Variants in PTTG1IP observed in about 807,000 individuals in gnomAD.
PTTG1IP encodes the protein PTTG1 interacting protein, also known as pituitary tumor-transforming gene 1 protein-interacting protein.
In PTTG1IP, 16 loss-of-function variants were observed where a neutral mutation model predicts 24.4. The observed-to-expected ratio is 0.66, with a 90% CI of 0.44 to 1.00. PTTG1IP has a LOEUF of 1.00. Among genes scored for constraint, PTTG1IP ranks in the 50% least tolerant of loss-of-function variants. The pLI is 0.00. For missense variants in PTTG1IP, 241 were observed against 245.8 expected, an observed-to-expected ratio of 0.98 and a Z score of 0.13; for synonymous variants, 89 against 96.8, an observed-to-expected ratio of 0.92 and a Z score of 0.47.
chr21:44,862,175 G>GT (rs1332905239), intron 2 of PTTG1IP, among the ~76,000 whole-genome samples: 1 of 152,230 alleles, frequency 6.6e-6, no homozygotes, highest in Non-Finnish European at 1.5e-5. Context: ...GGCACTGAGC[G>GT]TGACAGGGGA....
chr21:44,869,019 C>T (rs932856708), intron 1 of PTTG1IP, among the ~76,000 whole-genome samples: 1 of 152,222 alleles, frequency 6.6e-6, no homozygotes, highest in Non-Finnish European at 1.5e-5. Context: ...ACGGAGGATA[C>T]TGAGAGGACA....
At chr21:44,862,178 A>G (rs2083497535) in intron 2 of PTTG1IP, among the ~76,000 whole-genome samples, 2 of 152,238 alleles carry the variant, frequency 1.3e-5, no homozygotes, top group South Asian at 4.1e-4. Flanking sequence ...ACTGAGCGTG[A>G]CAGGGGACAG....
intron 1 of PTTG1IP, chr21:44,866,042 C>G (rs1034072098): frequency 4.6e-5 from 8 of 174,168 alleles, no homozygotes; most frequent in South Asian, 1.2e-4. Context: ...TCCAACCACA[C>G]AGAACACCCT....
chr21:44,873,093 T>G (rs2083603395), intron 1 of PTTG1IP: 1 of 152,602 alleles, frequency 6.6e-6, no homozygotes, highest in Non-Finnish European at 1.5e-5. Flanking sequence ...CGACCAGCTG[T>G]GCGACCTCGA....
chr21:44,861,726 A>G, intron 2 of PTTG1IP: 1 of 714,652 alleles, frequency 1.4e-6, no homozygotes, highest in South Asian at 1.5e-5. Context: ...CCTCCTCCTC[A>G]CCTCCTGTGA....
intron 1 of PTTG1IP, 37 bp from the exon 2 acceptor site, chr21:44,865,484 G>T: frequency 3.1e-6 from 5 of 1,607,192 alleles, no homozygotes; most frequent in Non-Finnish European, 3.4e-6. Context: ...CAGTCACTGA[G>T]AATCAGGCAG....
rs970891911 is a variant in PTTG1IP at position 44,855,260 on chromosome 21, A to T, written c.450-4T>A. ...TCTTGTCTTCATCTCTGCTCTCCTA[A>T]AACACAGAGGAACATTATGAGCACC... On this transcript the variant is annotated splice_region_variant and splice_polypyrimidine_tract_variant and intron_variant, in intron 4 of 5. Coordinates refer to ENST00000330938, the MANE Select transcript of PTTG1IP (RefSeq NM_004339.4). 6.2e-7 allele frequency: 1 copy of T among 1,610,384 alleles called. No homozygotes were observed. Among genetic ancestry groups the T allele is most frequent in the South Asian group, 1.1e-5 (1 of 90,988 alleles).
chr21:44,854,880 G>A (rs1163475308), intron 5 of PTTG1IP, among the ~76,000 whole-genome samples: 3 of 152,286 alleles, frequency 2.0e-5, no homozygotes, highest in African/African-American at 4.8e-5. Flanking sequence ...ACAGCACCTC[G>A]GCTACGCAGG....
intron 3 of PTTG1IP, among the ~76,000 whole-genome samples, chr21:44,860,873 G>A (rs776842153): frequency 2.6e-5 from 4 of 151,880 alleles, no homozygotes; most frequent in Non-Finnish European, 1.5e-5. Flanking sequence ...GCACGATCTC[G>A]GCTCACTGCA....
chr21:44,852,528 C>T (rs1236833167), intron 5 of PTTG1IP, among the ~76,000 whole-genome samples: 1 of 152,102 alleles, frequency 6.6e-6, no homozygotes, highest in Non-Finnish European at 1.5e-5. Flanking sequence ...TTATCTGCAG[C>T]GATTACAACA....
At position 44,850,157 on chromosome 21, in the gene PTTG1IP, C is replaced by T. The variant is rs1453745280; in HGVS notation, c.*1424G>A. 1 of 152,216 alleles carries T rather than the reference C, an allele frequency of 6.6e-6. No homozygotes were observed. The highest frequency in any genetic ancestry group is 1.5e-5 in the Non-Finnish European group (1 of 68,042). 9.4% of individuals were successfully genotyped at this position (152,216 alleles called of 1,614,324 possible). A position where few individuals can be genotyped will look rare whatever the true frequency, so the allele number is the denominator to read the frequency against. On this transcript the variant is annotated 3_prime_UTR_variant, in exon 6 of 6. Transcript: ENST00000330938. ...ATCTGCCTGTGAACTTTAGTTCACG[C>T]TGAAGACAGTCTTCTCAGTTTTCAT...
At position 44,850,807 on chromosome 21, in the gene PTTG1IP, G is replaced by A. The variant is rs1444076229; in HGVS notation, c.*774C>T. 1 of 152,872 alleles carries A rather than the reference G, an allele frequency of 6.5e-6. No individual in the cohort carries two copies. Among genetic ancestry groups the A allele is most frequent in the Admixed American group, 6.5e-5 (1 of 15,384 alleles). 9.5% of individuals were successfully genotyped at this position (152,872 alleles called of 1,614,324 possible). The stretch of plus-strand genomic sequence containing the variant: ...GCAGTCAACTGGTGCTGCTGAGGCA[G>A]GCCAAACACCACATTTATAATTCAA... On this transcript the variant is annotated 3_prime_UTR_variant, in exon 6 of 6. Coordinates refer to ENST00000330938, the MANE Select transcript of PTTG1IP (RefSeq NM_004339.4).
At chr21:44,852,819 T>C (rs2146451333) in intron 5 of PTTG1IP, among the ~76,000 whole-genome samples, 1 of 152,300 alleles carries the variant, frequency 6.6e-6, no homozygotes, top group African/African-American at 2.4e-5. Context: ...CGTGCTGGTA[T>C]TTTATATAAC....
At chr21:44,865,759 AG>A in intron 1 of PTTG1IP, 1 of 482,164 alleles carries the variant, frequency 2.1e-6, no homozygotes, top group Admixed American at 3.4e-5. Flanking sequence ...TCTCTGTGAG[AG>A]GAAGTGTGCC....
intron 1 of PTTG1IP, chr21:44,865,748 C>T (rs1303967523): frequency 3.8e-6 from 2 of 520,648 alleles, no homozygotes; most frequent in African/African-American, 3.8e-5. Flanking sequence ...TGTTTCAGAT[C>T]TCTCTGTGAG....
chr21:44,864,831 C>T (rs553895498), intron 2 of PTTG1IP, among the ~76,000 whole-genome samples: 2 of 152,244 alleles, frequency 1.3e-5, no homozygotes, highest in East Asian at 1.9e-4. Context: ...CACCTCATGC[C>T]GTGGAGGCTT....
chr21:44,865,302 A>G, intron 2 of PTTG1IP, 93 bp downstream of exon 2: 5 of 1,309,842 alleles, frequency 3.8e-6, no homozygotes, highest in Non-Finnish European at 4.4e-6. Flanking sequence ...AGAGCCCTCC[A>G]CACATCCCAG....
intron 3 of PTTG1IP, among the ~76,000 whole-genome samples, chr21:44,860,498 T>C (rs2083482471): frequency 6.6e-6 from 1 of 152,220 alleles, no homozygotes; most frequent in African/African-American, 2.4e-5. Flanking sequence ...GCAGGGATTC[T>C]TAAGCTGGGA....
In PTTG1IP at chr21:44,853,185, T is replaced by C. The variant is rs73374515; in HGVS notation, c.497-1558A>G. Among the ~76,000 whole-genome samples, 565 of 152,298 alleles carry C rather than the reference T, an allele frequency of 3.7e-3. 7 individuals are homozygous for C. The highest frequency in any genetic ancestry group is 0.013 in the African/African-American group (523 of 41,554). ...GTGCGTGTGTGCGCGTGTGCGTGTG[T>C]GTGTATCCACCTTGTCTTTTATTTA... On this transcript the variant is annotated intron_variant, in intron 5 of 5. Coordinates refer to ENST00000330938, the MANE Select transcript of PTTG1IP (RefSeq NM_004339.4).
Sources: allele counts gnomAD v4.1 joint callset (sites outside exome capture counted in the v4.1 genomes callset), GRCh38; gene constraint gnomAD v4.1.1; transcripts MANE v1.5; gene names NCBI Gene and HGNC (gene_info 2026-07-23, HGNC 2026-07-21).